The following MSN variants were observed in gnomAD, a reference collection of about 807,000 sequenced individuals.
MSN encodes epididymis luminal protein 70.
Under a neutral mutation model 48.0 loss-of-function variants are expected in MSN, and 2 were observed. The observed-to-expected ratio is 0.04, with a 90% CI of 0.02 to 0.13. MSN has a LOEUF of 0.13. Among genes scored for constraint, MSN ranks in the 10% least tolerant of loss-of-function variants. The probability of loss-of-function intolerance (pLI) is 1.00; values close to 1 mark genes in which losing one functional copy is unlikely to be tolerated. For synonymous variants in MSN, 146 were observed against 166.9 expected, an observed-to-expected ratio of 0.87 and a Z score of 0.97; for missense variants, 267 against 470.1, an observed-to-expected ratio of 0.57 and a Z score of 3.99.
chrX:65,606,787 G>A (rs980516499), intron 1 of MSN, among the ~76,000 whole-genome samples: 13 of 112,527 alleles, frequency 1.2e-4, no homozygotes, highest in Admixed American at 1.9e-4. Flanking sequence ...GTAGAATTCT[G>A]TCCCATATGC....
At chrX:65,612,842 C>T (rs1488569166) in intron 1 of MSN, among the ~76,000 whole-genome samples, 1 of 101,393 alleles carries the variant, frequency 9.9e-6, no homozygotes, top group East Asian at 2.9e-4. Flanking sequence ...CCACTGCACC[C>T]GAACCATGGT....
At chrX:65,677,663 C>T (rs1210854217) in intron 1 of MSN, among the ~76,000 whole-genome samples, 1 of 109,620 alleles carries the variant, frequency 9.1e-6, no homozygotes, top group Non-Finnish European at 1.9e-5. Context: ...GAGGCTGAGG[C>T]AGGAGAATCA....
rs779430175 is a variant in MSN, at chrX:65,741,417, A to G, written c.*1524A>G. ...CCACCCCCACACCTGGAAAGCATAT[A>G]CTATATTACAAAATGACATTTTGCC... On this transcript the variant is annotated 3_prime_UTR_variant, in exon 13 of 13. Coordinates refer to ENST00000360270, the MANE Select transcript of MSN (RefSeq NM_002444.3). 2 of 168,128 alleles carry G rather than the reference A, an allele frequency of 1.2e-5. No individual in the cohort carries two copies. The highest frequency in any genetic ancestry group is 3.2e-4 in the South Asian group (1 of 3,124). The allele number at this position is 168,128 out of a possible 1,213,427, so 13.9% of individuals were successfully genotyped here. A position where few individuals can be genotyped will look rare whatever the true frequency, so the allele number is the denominator to read the frequency against.
chrX:65,728,394 C>T (rs1321547358), intron 3 of MSN, among the ~76,000 whole-genome samples: 1 of 111,376 alleles, frequency 9.0e-6, no homozygotes, highest in Non-Finnish European at 1.9e-5. Context: ...CCTGGGTTCA[C>T]GCCATTCTCC....
chrX:65,660,986 T>C (rs2070819087), intron 1 of MSN, among the ~76,000 whole-genome samples: 1 of 110,504 alleles, frequency 9.0e-6, no homozygotes, highest in African/African-American at 3.3e-5. Flanking sequence ...TTTTTTGAGA[T>C]GGAGTCTTCC....
chrX:65,617,422 G>A (rs1369336949), intron 1 of MSN, among the ~76,000 whole-genome samples: 3 of 105,467 alleles, frequency 2.8e-5, no homozygotes. Flanking sequence ...ACTTCTTCCT[G>A]GTTTAGTCTT....
chrX:65,694,093 C>T (rs1300651146), intron 1 of MSN, among the ~76,000 whole-genome samples: 4 of 108,293 alleles, frequency 3.7e-5, no homozygotes, highest in East Asian at 2.9e-4. Context: ...AAAAACAAAA[C>T]GGAGGATAGT....
At chrX:65,689,412 T>TTCA (rs2071149563) in intron 1 of MSN, among the ~76,000 whole-genome samples, 1 of 111,415 alleles carries the variant, frequency 9.0e-6, no homozygotes, top group Non-Finnish European at 1.9e-5. Flanking sequence ...GGAGCATAAC[T>TTCA]GGGTGGAGGG....
At position 65,726,385 on chromosome X, in the gene MSN, C is replaced by T. The variant is rs761323974; in HGVS notation, c.97-1429C>T. 2.7e-5 allele frequency among the ~76,000 whole-genome samples: 3 copies of T among 111,645 alleles called. No homozygotes were observed. In the East Asian group the frequency reaches 8.4e-4, roughly 31 times the overall value. ...ATTTTAGATGCATTACCTCTCTAAG[C>T]CTTAGTTCCTCATCTATAATATGGG... On this transcript the variant is annotated intron_variant, in intron 2 of 12. Transcript: ENST00000360270.
intron 1 of MSN, among the ~76,000 whole-genome samples, chrX:65,648,179 G>A (rs1436212615): frequency 1.8e-5 from 2 of 111,662 alleles, no homozygotes; most frequent in Admixed American, 1.9e-4. Context: ...ATGACTCTTA[G>A]ATCTCTGGAA....
intron 1 of MSN, among the ~76,000 whole-genome samples, chrX:65,655,679 G>A (rs1220972525): frequency 8.8e-6 from 1 of 113,034 alleles, no homozygotes; most frequent in African/African-American, 3.2e-5. Context: ...TTCAGAAGAA[G>A]ACATAGACAT....
intron 1 of MSN, among the ~76,000 whole-genome samples, chrX:65,617,070 G>C (rs1237182194): frequency 9.3e-6 from 1 of 107,537 alleles, no homozygotes; most frequent in African/African-American, 3.7e-5. Context: ...CTTGATCATG[G>C]TGGATAAGCT....
At chrX:65,618,784 T>C (rs2148358813) in intron 1 of MSN, among the ~76,000 whole-genome samples, 1 of 111,285 alleles carries the variant, frequency 9.0e-6, no homozygotes, top group South Asian at 3.8e-4. Flanking sequence ...CGTTAGTTGA[T>C]GCAGTTTCTT....
chrX:65,666,020 T>C (rs187467194), upstream of MSN, among the ~76,000 whole-genome samples: 247 of 111,826 alleles, frequency 2.2e-3, 1 homozygote, highest in African/African-American at 7.5e-3. Context: ...TATTTTATTT[T>C]ACTTTTTTTG....
At chrX:65,626,161 A>G (rs1451655369) in intron 1 of MSN, among the ~76,000 whole-genome samples, 5 of 110,245 alleles carry the variant, frequency 4.5e-5, no homozygotes, top group Non-Finnish European at 7.6e-5. Context: ...TCACCATGTT[A>G]GCCAGGATGG....
intron 8 of MSN, 123 bp from the exon 9 acceptor site, chrX:65,736,672 G>A (rs1177362552): frequency 4.0e-6 from 3 of 746,733 alleles, no homozygotes; most frequent in South Asian, 2.9e-5. Flanking sequence ...TCCTGACCTC[G>A]TGATCTGCCC....
intron 1 of MSN, among the ~76,000 whole-genome samples, chrX:65,590,483 T>C (rs187265510): frequency 8.6e-4 from 95 of 110,879 alleles, no homozygotes; most frequent in African/African-American, 3.1e-3. Context: ...TGTGGCACCA[T>C]GCTAGACACT....
At chrX:65,614,665 CTGTT>C (rs1363546320) in intron 1 of MSN, among the ~76,000 whole-genome samples, 5 of 66,689 alleles carry the variant, frequency 7.5e-5, no homozygotes, top group Non-Finnish European at 1.2e-4. Context: ...ATTTGACTCT[CTGTT>C]TTTTTTTTTC....
chrX:65,696,841 A>T (rs190659908), intron 1 of MSN, among the ~76,000 whole-genome samples: 1 of 111,445 alleles, frequency 9.0e-6, no homozygotes, highest in East Asian at 2.8e-4. Context: ...CAAGCTACAT[A>T]GGGACCAAAA....
Sources: allele counts gnomAD v4.1 joint callset (sites outside exome capture counted in the v4.1 genomes callset), GRCh38; gene constraint gnomAD v4.1.1; transcripts MANE v1.5; gene names NCBI Gene and HGNC (gene_info 2026-07-23, HGNC 2026-07-21).